SMAD4: variants seen among roughly 807,000 people sequenced by gnomAD.
The protein encoded by SMAD4 is SMAD family member 4, also known as MAD homolog 4.
SMAD4 carries 7 observed loss-of-function variants against 63.2 expected under a neutral mutation model. That is an observed-to-expected ratio of 0.11 (90% CI 0.06 to 0.21). SMAD4 has a LOEUF of 0.21. Among genes scored for constraint, SMAD4 ranks in the 10% least tolerant of loss-of-function variants. The pLI, the probability that SMAD4 is intolerant of heterozygous loss-of-function variation, is 1.00. For missense variants in SMAD4, 312 were observed against 693.8 expected, an observed-to-expected ratio of 0.45 and a Z score of 6.18; for synonymous variants, 215 against 235.4, an observed-to-expected ratio of 0.91 and a Z score of 0.79.
chr18:51,038,236 T>C (rs1333478300), intron 1 of SMAD4, among the ~76,000 whole-genome samples: 1 of 127,458 alleles, frequency 7.8e-6, no homozygotes, highest in Non-Finnish European at 1.6e-5. Flanking sequence ...GGGCCTAGGC[T>C]ACAGAGCGAG....
chr18:51,065,297 G>C, intron 8 of SMAD4, 126 bp from the exon 9 acceptor site: 1 of 769,856 alleles, frequency 1.3e-6, no homozygotes. Flanking sequence ...AGTTGTTTTG[G>C]GTGCATTACA....
At chr18:51,033,975 T>A (rs1019997375) in intron 1 of SMAD4, among the ~76,000 whole-genome samples, 1 of 152,158 alleles carries the variant, frequency 6.6e-6, no homozygotes, top group Non-Finnish European at 1.5e-5. Context: ...ATATTATAGA[T>A]CAGATAAGTA....
At chr18:51,056,740 G>C (rs1490842303) in intron 5 of SMAD4, among the ~76,000 whole-genome samples, 2 of 151,650 alleles carry the variant, frequency 1.3e-5, no homozygotes, top group Non-Finnish European at 2.9e-5. Context: ...TGATTTAGTC[G>C]TATTGTTTAA....
At position 51,078,904 on chromosome 18, in the gene SMAD4, T is replaced by C. The variant is rs1321216731; in HGVS notation, c.*437T>C. ...ATGTTATTTTGTGTACAAGTTGTTA[T>C]TGTTGAACATACTTCAAAAATAATG... On this transcript the variant is annotated 3_prime_UTR_variant, in exon 12 of 12. Transcript: ENST00000342988. 1 of 238,966 alleles carries C rather than the reference T, an allele frequency of 4.2e-6. No individual in the cohort carries two copies. Among genetic ancestry groups the C allele is most frequent in the Non-Finnish European group, 8.2e-6 (1 of 121,496 alleles). 14.8% of individuals were successfully genotyped at this position (238,966 alleles called of 1,614,324 possible).
At chr18:51,049,442 T>C in intron 4 of SMAD4, 118 bp downstream of exon 4, 1 of 769,286 alleles carries the variant, frequency 1.3e-6, no homozygotes, top group Non-Finnish European at 2.3e-6. Context: ...GAAAATAACT[T>C]ACTGCTTTGG....
At chr18:51,051,916 C>G (rs993753229) in intron 4 of SMAD4, among the ~76,000 whole-genome samples, 1 of 152,080 alleles carries the variant, frequency 6.6e-6, no homozygotes, top group African/African-American at 2.4e-5. Flanking sequence ...AAGCGATTCT[C>G]CTGCCTCAGC....
intron 5 of SMAD4, among the ~76,000 whole-genome samples, chr18:51,056,970 A>G (rs1909862421): frequency 6.6e-6 from 1 of 152,218 alleles, no homozygotes; most frequent in Non-Finnish European, 1.5e-5. Context: ...GAACAAAACC[A>G]TAATTAACCT....
intron 3 of SMAD4, 45 bp from the exon 4 acceptor site, chr18:51,049,250 T>C (rs763904908): frequency 7.4e-7 from 1 of 1,353,036 alleles, no homozygotes; most frequent in African/African-American, 1.4e-5. Context: ...ATACTTTCAT[T>C]GTAATGATTA....
At chr18:51,060,183 A>G (rs1909969949) in intron 8 of SMAD4, among the ~76,000 whole-genome samples, 1 of 152,246 alleles carries the variant, frequency 6.6e-6, no homozygotes. Context: ...AGCATTGAAT[A>G]CATAAATATG....
At chr18:51,035,787 CT>C (rs1348306343) in intron 1 of SMAD4, among the ~76,000 whole-genome samples, 2 of 152,094 alleles carry the variant, frequency 1.3e-5, no homozygotes, top group African/African-American at 4.8e-5. Context: ...TTCCCAAGTG[CT>C]GGGCTATGGA....
At chr18:51,033,781 G>A (rs957943241) in intron 1 of SMAD4, among the ~76,000 whole-genome samples, 1 of 152,152 alleles carries the variant, frequency 6.6e-6, no homozygotes, top group Non-Finnish European at 1.5e-5. Flanking sequence ...GGTATTTTAG[G>A]TTGTGTCACC....
At position 51,058,478 on chromosome 18, in the gene SMAD4, A is replaced by G. The variant is rs774866012; in HGVS notation, c.904+22A>G. ...TACTGTAAGCTCTTGTTTTTGTTGT[A>G]AGGGCTATTTTTTTTTTTTTTTTGG... On this transcript the variant is annotated intron_variant, in intron 7 of 11. Coordinates refer to ENST00000342988, the MANE Select transcript of SMAD4 (RefSeq NM_005359.6). 56 of 1,490,216 alleles carry G rather than the reference A, an allele frequency of 3.8e-5. 1 individual carries two copies. Among genetic ancestry groups the G allele is most frequent in the Non-Finnish European group, 5.0e-5 (54 of 1,079,534 alleles). The allele number at this position is 1,490,216 out of a possible 1,614,324, so 92.3% of individuals were successfully genotyped here. A position where few individuals can be genotyped will look rare whatever the true frequency, so the allele number is the denominator to read the frequency against.
At chr18:51,033,929 C>T (rs1025076998) in intron 1 of SMAD4, among the ~76,000 whole-genome samples, 1 of 152,166 alleles carries the variant, frequency 6.6e-6, no homozygotes, top group Non-Finnish European at 1.5e-5. Flanking sequence ...ATAAGGTTCT[C>T]ATAATCTAAG....
At chr18:51,044,118 A>G (rs1909466017) in intron 1 of SMAD4, among the ~76,000 whole-genome samples, 1 of 152,132 alleles carries the variant, frequency 6.6e-6, no homozygotes, top group Non-Finnish European at 1.5e-5. Context: ...TTAAATTGTA[A>G]TTTAACGTAT....
rs1910577860 is a variant in SMAD4 at position 51,080,264 on chromosome 18, T to G, written c.*1797T>G. 1 of 232,158 alleles carries G rather than the reference T, an allele frequency of 4.3e-6. No individual in the cohort carries two copies. Among genetic ancestry groups the G allele is most frequent in the Admixed American group, 5.6e-5 (1 of 17,766 alleles). 14.4% of individuals were successfully genotyped at this position (232,158 alleles called of 1,614,324 possible). A position where few individuals can be genotyped will look rare whatever the true frequency, so the allele number is the denominator to read the frequency against. On this transcript the variant is annotated 3_prime_UTR_variant, in exon 12 of 12. Transcript: ENST00000342988. ...TCTGTGATTTAAACATAGATCTTGA[T>G]CCAAGCTACATGACTTTTGTCTTTA...
rs1189715258 is a variant in SMAD4, at chr18:51,054,919, C to T, written c.593C>T (p.Pro198Leu). The change falls in exon 5 of 12, where the codon CCA becomes CTA. Residue 198 changes from proline (P) to leucine (L), a missense_variant. Around this residue, in one of 4 missense-constraint regions of SMAD4, gnomAD observed 169 missense variants for 211.0 expected, o/e 0.80. Coordinates refer to ENST00000342988, the MANE Select transcript of SMAD4 (RefSeq NM_005359.6). ...NRASTETYST[P>L]ALLAPSESNA... The stretch of plus-strand genomic sequence containing the variant: ...GCATCGACAGAGACATACAGCACCC[C>T]AGCTCTGTTAGCCCCATCTGAGTCT... 1.9e-6 allele frequency: 3 copies of T among 1,614,014 alleles called. No individual in the cohort carries two copies. The highest frequency in any genetic ancestry group is 1.1e-5 in the South Asian group (1 of 91,080).
rs749345012 is a variant in SMAD4 at position 51,084,008 on chromosome 18, GCGCGCACACACA to G, written c.*5543_*5554del. 701 of 65,520 alleles carry G rather than the reference GCGCGCACACACA, an allele frequency of 0.011. 1 individual carries two copies. The highest frequency in any genetic ancestry group is 0.038 in the East Asian group (137 of 3,576). 4.1% of individuals were successfully genotyped at this position (65,520 alleles called of 1,614,324 possible). A position where few individuals can be genotyped will look rare whatever the true frequency, so the allele number is the denominator to read the frequency against. On this transcript the variant is annotated 3_prime_UTR_variant, in exon 12 of 12. Coordinates refer to ENST00000342988, the MANE Select transcript of SMAD4 (RefSeq NM_005359.6). ...ACACTTAACGCGCGTGCGCACGCGC[GCGCGCACACACA>G]CACACACACACACACACACACACAG...
Position 51,082,771 on chromosome 18 carries a change from C to T in SMAD4, c.*4304C>T. ...ACCCACTTCCCCTCCTGGTCTCTTC[C>T]CTCTCTGATAATTACCATTCATATG... On this transcript the variant is annotated 3_prime_UTR_variant, in exon 12 of 12. Coordinates refer to ENST00000342988, the MANE Select transcript of SMAD4 (RefSeq NM_005359.6). The T allele has an allele frequency of 4.3e-6, 1 of 230,156 alleles. No individual in the cohort carries two copies. Among genetic ancestry groups the T allele is most frequent in the Non-Finnish European group, 8.6e-6 (1 of 116,148 alleles). The allele number at this position is 230,156 out of a possible 1,614,324, so 14.3% of individuals were successfully genotyped here. A position where few individuals can be genotyped will look rare whatever the true frequency, so the allele number is the denominator to read the frequency against.
At chr18:51,051,276 T>G in intron 4 of SMAD4, 1 of 440,168 alleles carries the variant, frequency 2.3e-6, no homozygotes. Context: ...CTATAGTGAC[T>G]GTAGGGCTGT....
Sources: allele counts gnomAD v4.1 joint callset (sites outside exome capture counted in the v4.1 genomes callset), GRCh38; gene constraint gnomAD v4.1.1; regional missense constraint gnomAD v4.1.1; transcripts MANE v1.5; gene names NCBI Gene and HGNC (gene_info 2026-07-23, HGNC 2026-07-21).